Variants in PLD1 observed in about 807,000 individuals in gnomAD.
PLD1 encodes the protein phospholipase D1, also known as choline phosphatase 1.
PLD1 carries 112 observed loss-of-function variants against 137.1 expected under a neutral mutation model. That is an observed-to-expected ratio of 0.82 (90% CI 0.70 to 0.96). The LOEUF is 0.96. Ranked by LOEUF, PLD1 falls within the 40% of genes least tolerant of loss-of-function variation. PLD1 has a pLI of 0.00. For missense variants in PLD1, 1,321 were observed against 1,342.0 expected (o/e 0.98, Z 0.24); for synonymous variants, 431 against 454.7 (o/e 0.95, Z 0.66).
At chr3:171,655,896 A>G (rs760027770) in intron 21 of PLD1, among the ~76,000 whole-genome samples, 3 of 152,202 alleles carry the variant, frequency 2.0e-5, no homozygotes, top group Non-Finnish European at 2.9e-5. Flanking sequence ...GACTATTGAG[A>G]GATCAGAGCT....
In PLD1 at chr3:171,654,688, C is replaced by T. The variant is rs184108346; in HGVS notation, c.2429+4525G>A. ...TAGACTGTGGATTATGATTTTTTTT[C>T]TCTCTGATCGCCAATCACATTTGAG... On this transcript the variant is annotated intron_variant, in intron 21 of 26. Transcript: ENST00000351298. 1.1e-4 allele frequency among the ~76,000 whole-genome samples: 17 copies of T among 152,232 alleles called. No homozygotes were observed. In the East Asian group the frequency reaches 3.1e-3, roughly 28 times the overall value.
At chr3:171,796,393 C>T (rs1723439304) in intron 1 of PLD1, among the ~76,000 whole-genome samples, 1 of 152,140 alleles carries the variant, frequency 6.6e-6, no homozygotes, top group Non-Finnish European at 1.5e-5. Context: ...AGTAAGTCAA[C>T]ATACTAAGAA....
At position 171,607,641 on chromosome 3, in the gene PLD1, A is replaced by C. The variant is rs1206446984; in HGVS notation, c.2883-2225T>G. ...TTGATGTATTTAATGAAAATTATTT[A>C]ATATTTGCTTATTCATCAAAAAAAG... On this transcript the variant is annotated intron_variant, in intron 25 of 26. Coordinates refer to ENST00000351298, the MANE Select transcript of PLD1 (RefSeq NM_002662.5). Among the ~76,000 whole-genome samples the C allele has an allele frequency of 3.3e-5, 5 of 152,162 alleles. No individual in the cohort carries two copies. The East Asian group carries it at 7.7e-4, about 23-fold the overall frequency.
intron 6 of PLD1, 44 bp downstream of exon 6, chr3:171,733,400 A>G (rs765643169): frequency 3.9e-6 from 3 of 766,860 alleles, no homozygotes; most frequent in Non-Finnish European, 6.9e-6. Context: ...ACAATTTACT[A>G]TAGTGAAAAT....
At chr3:171,654,322 A>G (rs1737025066) in intron 21 of PLD1, 1 of 310,674 alleles carries the variant, frequency 3.2e-6, no homozygotes, top group Non-Finnish European at 6.2e-6. Context: ...AAAAAAAAAG[A>G]ACATGGTAAG....
At chr3:171,610,080 T>C (rs1021268159) in intron 25 of PLD1, among the ~76,000 whole-genome samples, 1 of 151,976 alleles carries the variant, frequency 6.6e-6, no homozygotes, top group African/African-American at 2.4e-5. Context: ...TTAAATAAAC[T>C]CAGTCAAGAT....
intron 1 of PLD1, among the ~76,000 whole-genome samples, chr3:171,805,670 A>C (rs1723814997): frequency 1.3e-5 from 2 of 152,234 alleles, no homozygotes; most frequent in African/African-American, 4.8e-5. Flanking sequence ...TCTGAGTTGC[A>C]CTATAATTGC....
intron 1 of PLD1, among the ~76,000 whole-genome samples, chr3:171,805,261 AT>A (rs1233958414): frequency 6.6e-6 from 1 of 152,170 alleles, no homozygotes; most frequent in Non-Finnish European, 1.5e-5. Context: ...AGAATAAAAT[AT>A]TGCCCTCATC....
At chr3:171,639,848 C>CTCTATATATATATATA (rs3050415) in intron 23 of PLD1, among the ~76,000 whole-genome samples, 17 of 110,188 alleles carry the variant, frequency 1.5e-4, no homozygotes, top group South Asian at 1.4e-3. Context: ...CTCTCTCTCT[C>CTCTATATATATATATA]TATATATATA....
intron 8 of PLD1, among the ~76,000 whole-genome samples, chr3:171,723,346 T>C (rs6445020): frequency 0.36 from 54,842 of 152,012 alleles, 11,003 homozygotes; most frequent in African/African-American, 0.52. Flanking sequence ...ATCATGTGTA[T>C]GTACATTTTC....
intron 13 of PLD1, among the ~76,000 whole-genome samples, chr3:171,691,073 T>C (rs1174254994): frequency 6.6e-6 from 1 of 152,220 alleles, no homozygotes; most frequent in African/African-American, 2.4e-5. Flanking sequence ...TCTTTGTCTC[T>C]TGTAAGCATG....
intron 16 of PLD1, among the ~76,000 whole-genome samples, chr3:171,686,419 T>C (rs890243732): frequency 6.6e-6 from 1 of 152,198 alleles, no homozygotes; most frequent in Non-Finnish European, 1.5e-5. Flanking sequence ...CCTCCTTCCA[T>C]AGAACTTCCA....
chr3:171,729,485 G>C (rs1329999952), intron 6 of PLD1, among the ~76,000 whole-genome samples: 1 of 152,152 alleles, frequency 6.6e-6, no homozygotes, highest in East Asian at 1.9e-4. Context: ...TCCTTGTATT[G>C]TAAGAGAAGG....
At chr3:171,712,911 T>C (rs1717384517) in intron 9 of PLD1, among the ~76,000 whole-genome samples, 1 of 152,172 alleles carries the variant, frequency 6.6e-6, no homozygotes, top group Non-Finnish European at 1.5e-5. Flanking sequence ...GTCAGCATCT[T>C]TTTATACACA....
intron 23 of PLD1, among the ~76,000 whole-genome samples, chr3:171,624,330 T>C (rs531890619): frequency 6.6e-6 from 1 of 152,298 alleles, no homozygotes; most frequent in Admixed American, 6.5e-5. Flanking sequence ...AACCATTTGT[T>C]ATCTATAAGA....
intron 1 of PLD1, among the ~76,000 whole-genome samples, chr3:171,745,897 C>T (rs994590829): frequency 2.0e-5 from 3 of 151,978 alleles, no homozygotes; most frequent in African/African-American, 4.8e-5. Flanking sequence ...GAGGGAGAGA[C>T]GCCAGTGGGA....
intron 20 of PLD1, among the ~76,000 whole-genome samples, chr3:171,661,393 G>T (rs1711510371): frequency 2.0e-5 from 3 of 152,124 alleles, no homozygotes; most frequent in African/African-American, 7.2e-5. Context: ...CCATTATTGT[G>T]ACTTTTTATT....
intron 23 of PLD1, among the ~76,000 whole-genome samples, chr3:171,627,185 CA>C (rs1222816216): frequency 2.6e-5 from 4 of 150,952 alleles, no homozygotes; most frequent in Admixed American, 1.3e-4. Flanking sequence ...AAATGGAAAA[CA>C]AAAAAAAGGC....
At chr3:171,700,491 T>G (rs960906688) in intron 11 of PLD1, among the ~76,000 whole-genome samples, 6 of 152,178 alleles carry the variant, frequency 3.9e-5, no homozygotes, top group Non-Finnish European at 8.8e-5. Context: ...GCAGCAATAT[T>G]GAAATTCTAA....
Sources: allele counts gnomAD v4.1 joint callset (sites outside exome capture counted in the v4.1 genomes callset), GRCh38; gene constraint gnomAD v4.1.1; transcripts MANE v1.5; gene names NCBI Gene and HGNC (gene_info 2026-07-23, HGNC 2026-07-21).